MB21D2: variants seen among roughly 807,000 people sequenced by gnomAD.
The protein encoded by MB21D2 is nucleotidyltransferase MB21D2.
MB21D2 carries 9 observed loss-of-function variants against 33.3 expected under a neutral mutation model. The observed-to-expected ratio is 0.27, with a 90% confidence interval of 0.16 to 0.47. The LOEUF is 0.47. Ranked by LOEUF, MB21D2 falls within the 20% of genes least tolerant of loss-of-function variation. The pLI is 0.99. For missense variants in MB21D2, 540 were observed against 624.6 expected, an observed-to-expected ratio of 0.86 and a Z score of 1.44; for synonymous variants, 241 against 236.3, an observed-to-expected ratio of 1.02 and a Z score of -0.18.
intron 1 of MB21D2, among the ~76,000 whole-genome samples, chr3:192,846,483 C>T (rs1712682468): frequency 1.3e-5 from 2 of 152,206 alleles, no homozygotes; most frequent in East Asian, 1.9e-4. Context: ...CCACAAACCA[C>T]ACCCTTGGCT....
At chr3:192,887,074 G>A (rs1713748442) in intron 1 of MB21D2, among the ~76,000 whole-genome samples, 1 of 151,976 alleles carries the variant, frequency 6.6e-6, no homozygotes, top group African/African-American at 2.4e-5. Context: ...TCGAGAAGAC[G>A]CTGAACCAAA....
chr3:192,899,812 G>GGGTGGTAGTGT (rs1714054356), intron 1 of MB21D2, among the ~76,000 whole-genome samples: 1 of 48,010 alleles, frequency 2.1e-5, no homozygotes, highest in African/African-American at 7.6e-5. Flanking sequence ...TTAGTGTCTT[G>GGGTGGTAGTGT]GGCACCTCGT....
chr3:192,870,283 T>C (rs940074946), intron 1 of MB21D2, among the ~76,000 whole-genome samples: 15 of 152,140 alleles, frequency 9.9e-5, no homozygotes, highest in African/African-American at 3.4e-4. Flanking sequence ...CAGCTTCTCA[T>C]CTGTAAAAGG....
At chr3:192,832,810 G>A (rs925236061) in intron 1 of MB21D2, among the ~76,000 whole-genome samples, 11 of 152,218 alleles carry the variant, frequency 7.2e-5, no homozygotes, top group Admixed American at 5.9e-4. Flanking sequence ...AAAGGGGACC[G>A]GGGGGAAGAG....
chr3:192,911,239 A>G (rs1179683707), intron 1 of MB21D2, among the ~76,000 whole-genome samples: 1 of 150,356 alleles, frequency 6.7e-6, no homozygotes, highest in African/African-American at 2.4e-5. Flanking sequence ...GGTTCACCAC[A>G]GTTTTTTTTT....
intron 1 of MB21D2, among the ~76,000 whole-genome samples, chr3:192,852,717 A>G (rs552877221): frequency 3.7e-4 from 57 of 152,338 alleles, no homozygotes; most frequent in African/African-American, 1.3e-3. Context: ...GAGGTGGATG[A>G]CTGCCAGAAG....
At chr3:192,903,837 C>T (rs1284058239) in intron 1 of MB21D2, among the ~76,000 whole-genome samples, 2 of 152,130 alleles carry the variant, frequency 1.3e-5, no homozygotes, top group Non-Finnish European at 2.9e-5. Flanking sequence ...GCACCTTTTC[C>T]CCCACTTTTG....
At chr3:192,893,342 A>G (rs1713895882) in intron 1 of MB21D2, among the ~76,000 whole-genome samples, 1 of 152,130 alleles carries the variant, frequency 6.6e-6, no homozygotes, top group Admixed American at 6.5e-5. Flanking sequence ...AAATCTCTAC[A>G]TCTAACCCAT....
rs1294353112 is a variant in MB21D2, at chr3:192,890,395, A to T, written c.211+27235T>A. ...ATCATAATTTGAGCATATCTTGGAA[A>T]CTCAAGACACCAAATAAACAAAGAG... On this transcript the variant is annotated intron_variant, in intron 1 of 1. Transcript: ENST00000392452. 2.6e-5 allele frequency among the ~76,000 whole-genome samples: 4 copies of T among 152,060 alleles called. No individual in the cohort carries two copies. The East Asian group carries it at 7.7e-4, about 29-fold the overall frequency.
intron 1 of MB21D2, among the ~76,000 whole-genome samples, chr3:192,823,753 G>A (rs950934420): frequency 1.3e-5 from 2 of 152,128 alleles, no homozygotes; most frequent in African/African-American, 4.8e-5. Context: ...ATTCATGTGT[G>A]TAAAAGGTTA....
chr3:192,838,349 T>C (rs1484542978), intron 1 of MB21D2, among the ~76,000 whole-genome samples: 2 of 152,218 alleles, frequency 1.3e-5, no homozygotes, highest in South Asian at 2.1e-4. Flanking sequence ...TGTCCATGCA[T>C]TAGAAGCAAG....
At chr3:192,876,804 G>A (rs1461066344) in intron 1 of MB21D2, among the ~76,000 whole-genome samples, 1 of 152,152 alleles carries the variant, frequency 6.6e-6, no homozygotes, top group East Asian at 1.9e-4. Flanking sequence ...TTTTGGTCTG[G>A]CTACCTCCTA....
At chr3:192,831,363 C>G (rs1321462787) in intron 1 of MB21D2, among the ~76,000 whole-genome samples, 2 of 152,174 alleles carry the variant, frequency 1.3e-5, no homozygotes, top group African/African-American at 2.4e-5. Flanking sequence ...CAGAACTACT[C>G]AACTACACCA....
intron 1 of MB21D2, among the ~76,000 whole-genome samples, chr3:192,851,953 A>C (rs1455996832): frequency 1.3e-5 from 2 of 152,184 alleles, no homozygotes; most frequent in African/African-American, 4.8e-5. Flanking sequence ...TGGAGCCAAA[A>C]TTTTCTAGGA....
rs778136954 is a variant in MB21D2, at chr3:192,917,703, G to A, written c.138C>T (p.His46=). ...TCTGGTCGTCGTATTCCCGCTGGTC[G>A]TGCTTCGTAAATTCTTGGATGAGTT... ...LNKLIQEFTK[H]DQREYDDQRA... The change falls in exon 1 of 2, where the codon CAC becomes CAT. Residue 46 remains histidine, a synonymous_variant. Coordinates refer to ENST00000392452, the MANE Select transcript of MB21D2 (RefSeq NM_178496.4). The A allele has an allele frequency of 2.3e-4, 365 of 1,614,028 alleles. No homozygotes were observed. Among genetic ancestry groups the A allele is most frequent in the Non-Finnish European group, 3.0e-4 (359 of 1,180,036 alleles).
At chr3:192,845,820 T>C (rs1449006694) in intron 1 of MB21D2, among the ~76,000 whole-genome samples, 1 of 152,298 alleles carries the variant, frequency 6.6e-6, no homozygotes, top group East Asian at 1.9e-4. Context: ...GGCTCATGCC[T>C]ATAGTCCCTG....
intron 1 of MB21D2, among the ~76,000 whole-genome samples, chr3:192,826,264 T>A (rs1022669244): frequency 3.3e-5 from 5 of 152,202 alleles, no homozygotes; most frequent in Admixed American, 1.3e-4. Flanking sequence ...GAGTACAACA[T>A]CCATAACACA....
chr3:192,880,992 T>C (rs1017755796), intron 1 of MB21D2, among the ~76,000 whole-genome samples: 1 of 152,064 alleles, frequency 6.6e-6, no homozygotes, highest in Admixed American at 6.5e-5. Context: ...TATATTTATA[T>C]ACACATCTAT....
intron 1 of MB21D2, among the ~76,000 whole-genome samples, chr3:192,871,243 T>G (rs1713289681): frequency 6.6e-6 from 1 of 152,168 alleles, no homozygotes; most frequent in Non-Finnish European, 1.5e-5. Flanking sequence ...TACACATACT[T>G]GCAAACTGAG....
Sources: allele counts gnomAD v4.1 joint callset (sites outside exome capture counted in the v4.1 genomes callset), GRCh38; gene constraint gnomAD v4.1.1; transcripts MANE v1.5; gene names NCBI Gene and HGNC (gene_info 2026-07-23, HGNC 2026-07-21).